The following HEG1 variants were observed in gnomAD, a reference collection of about 807,000 sequenced individuals.
HEG1 encodes protein HEG homolog 1.
HEG1 carries 56 observed loss-of-function variants against 125.6 expected under a neutral mutation model. The ratio of observed to expected loss-of-function variants is 0.45; its 90% CI spans 0.36 to 0.56. The LOEUF (loss-of-function observed/expected upper bound fraction) is 0.56, where lower values mean the gene tolerates loss of function less well. HEG1 is among the 20% of genes least tolerant of loss of function. HEG1 has a pLI of 0.00. For synonymous variants in HEG1, 644 were observed against 668.5 expected (o/e 0.96, Z 0.57); for missense variants, 1,523 against 1,670.0 (o/e 0.91, Z 1.53).
At chr3:124,973,224 A>G (rs906553176) in intron 16 of HEG1, among the ~76,000 whole-genome samples, 2 of 152,054 alleles carry the variant, frequency 1.3e-5, no homozygotes, top group African/African-American at 4.8e-5. Context: ...CTGTAGAGAC[A>G]TGATTTCACC....
At chr3:125,046,447 T>C (rs1358441445) in intron 1 of HEG1, among the ~76,000 whole-genome samples, 1 of 150,484 alleles carries the variant, frequency 6.6e-6, no homozygotes, top group Non-Finnish European at 1.5e-5. Context: ...ATATATTTTT[T>C]TAATTATACA....
At chr3:124,996,960 A>G (rs1936932557) in intron 12 of HEG1, among the ~76,000 whole-genome samples, 1 of 152,218 alleles carries the variant, frequency 6.6e-6, no homozygotes, top group African/African-American at 2.4e-5. Context: ...TTCTTGGACT[A>G]CATTCTTTGA....
chr3:125,027,383 T>C lies in HEG1; in HGVS notation c.735A>G (p.Glu245=). The change falls in exon 3 of 17, where the codon GAA becomes GAG. Residue 245 remains glutamate (E), a synonymous_variant. Coordinates refer to ENST00000311127, the MANE Select transcript of HEG1 (RefSeq NM_020733.2). ...GTERAMGLSE[E]WTVHSQEATT... ...TGGCCTCTTGGCTGTGCACAGTCCA[T>C]TCTTCTGACAGCCCCATCGCCCTCT... 1.9e-6 allele frequency: 3 copies of C among 1,614,012 alleles called. No individual in the cohort carries two copies. Among genetic ancestry groups the C allele is most frequent in the Non-Finnish European group, 2.5e-6 (3 of 1,179,888 alleles).
rs1443161776 is a variant in HEG1, at chr3:125,011,069, C to T, written c.2957-514G>A. Among the ~76,000 whole-genome samples, 7 of 152,288 alleles carry T rather than the reference C, an allele frequency of 4.6e-5. No individual in the cohort carries two copies. The East Asian group carries it at 1.3e-3, about 29-fold the overall frequency. ...TCCAAAATCTCCAAATGTAACTCAGCCTCCACATATTGTGCCATATTTAGA... is the reference window on the plus strand; with the variant it reads ...TCCAAAATCTCCAAATGTAACTCAGTCTCCACATATTGTGCCATATTTAGA... On this transcript the variant is annotated intron_variant, in intron 6 of 16. Transcript: ENST00000311127.
At position 124,973,782 on chromosome 3, in the gene HEG1, A is replaced by G. The variant is rs370700996; in HGVS notation, c.3945T>C (p.His1315=). 9 of 1,613,830 alleles carry G rather than the reference A, an allele frequency of 5.6e-6. No homozygotes were observed. In the African/African-American group the frequency reaches 1.1e-4, roughly 19 times the overall value. ...GGAGGTTTTTGGTACTTCCATTCTC[A>G]TGCATTTCAATAGCTTCTCGGCCCC... ...QEWGREAIEM[H]ENGSTKNLLQ... The change falls in exon 16 of 17, where the codon CAT becomes CAC. Residue 1315 remains histidine (H), a synonymous_variant. Coordinates refer to ENST00000311127, the MANE Select transcript of HEG1 (RefSeq NM_020733.2).
At chr3:124,986,423 TCA>T (rs1323932217) in intron 14 of HEG1, among the ~76,000 whole-genome samples, 3 of 151,892 alleles carry the variant, frequency 2.0e-5, no homozygotes, top group Non-Finnish European at 4.4e-5. Context: ...GAGTGATGAG[TCA>T]CAGACTCCCA....
intron 16 of HEG1, chr3:124,971,227 A>G: frequency 2.2e-6 from 1 of 454,986 alleles, no homozygotes; most frequent in Non-Finnish European, 4.4e-6. Context: ...GAAATAAAAT[A>G]CTAGCTACTA....
At chr3:125,001,710 A>G (rs1026397836) in intron 11 of HEG1, 142 bp downstream of exon 11, 22 of 784,844 alleles carry the variant, frequency 2.8e-5, no homozygotes, top group Non-Finnish European at 4.1e-5. Flanking sequence ...CATGTGCACA[A>G]AGGTCTTTGA....
At chr3:124,998,114 C>A (rs1283129399) in intron 11 of HEG1, among the ~76,000 whole-genome samples, 1 of 152,162 alleles carries the variant, frequency 6.6e-6, no homozygotes, top group African/African-American at 2.4e-5. Flanking sequence ...AATAAACAGG[C>A]CCTGTTCACT....
At chr3:125,028,247 T>C (rs745406054) in intron 2 of HEG1, among the ~76,000 whole-genome samples, 3 of 152,202 alleles carry the variant, frequency 2.0e-5, no homozygotes, top group African/African-American at 4.8e-5. Flanking sequence ...CTCCTCAAAT[T>C]CACTTTAGTT....
chr3:125,005,143 C>A, intron 9 of HEG1, 122 bp downstream of exon 9: 1 of 642,240 alleles, frequency 1.6e-6, no homozygotes, highest in Non-Finnish European at 2.7e-6. Flanking sequence ...AGTTTCCCTT[C>A]CAAATATAAC....
At chr3:125,045,923 C>G (rs1937655709) in intron 1 of HEG1, among the ~76,000 whole-genome samples, 1 of 152,222 alleles carries the variant, frequency 6.6e-6, no homozygotes, top group African/African-American at 2.4e-5. Context: ...GGCCAGTTCA[C>G]TATATCACAA....
At chr3:125,026,704 G>A (rs781092610) in intron 3 of HEG1, among the ~76,000 whole-genome samples, 3 of 152,156 alleles carry the variant, frequency 2.0e-5, no homozygotes, top group Admixed American at 6.5e-5. Context: ...TCTTGTTTGA[G>A]AATAGACACC....
At position 125,055,655 on chromosome 3, in the gene HEG1, C is replaced by T; in HGVS notation, c.236G>A (p.Gly79Asp). 3 of 1,180,400 alleles carry T rather than the reference C, an allele frequency of 2.5e-6. No individual in the cohort carries two copies. The highest frequency in any genetic ancestry group is 3.4e-4 in the Middle Eastern group (1 of 2,940). 73.1% of individuals were successfully genotyped at this position (1,180,400 alleles called of 1,614,324 possible). The part of the protein sequence containing the change: ...PRERRGPATP[G>D]PSYRAPEPGA... The stretch of plus-strand genomic sequence containing the variant: ...TGGCTCAGGGGCCCTGTAGCTGGGG[C>T]CGGGGGTCGCGGGCCCGCGGCGCTC... The change falls in exon 1 of 17, where the codon GGC becomes GAC. Residue 79 changes from glycine to aspartate, a missense_variant. Gly to Asp is a moderately conservative substitution (Grantham distance 94). Transcript: ENST00000311127.
At chr3:125,047,884 T>C (rs931275165) in intron 1 of HEG1, among the ~76,000 whole-genome samples, 3 of 152,236 alleles carry the variant, frequency 2.0e-5, no homozygotes, top group Non-Finnish European at 2.9e-5. Flanking sequence ...AGCTTCACCT[T>C]GGCCTCTGCC....
chr3:124,976,952 T>C (rs1936555403), intron 15 of HEG1, among the ~76,000 whole-genome samples: 1 of 152,176 alleles, frequency 6.6e-6, no homozygotes, highest in African/African-American at 2.4e-5. Context: ...AAACTACCCA[T>C]TGATATGGTT....
At chr3:125,037,253 G>A (rs930630247) in intron 1 of HEG1, among the ~76,000 whole-genome samples, 16 of 152,192 alleles carry the variant, frequency 1.1e-4, no homozygotes, top group African/African-American at 3.9e-4. Context: ...CTAAGAAAAA[G>A]AACAAAAATG....
intron 9 of HEG1, 78 bp downstream of exon 9, chr3:125,005,187 C>T: frequency 1.2e-6 from 1 of 832,948 alleles, no homozygotes; most frequent in Non-Finnish European, 2.0e-6. Flanking sequence ...CAGCTGACCG[C>T]TAGGCAGTCC....
At chr3:124,975,625 T>C (rs1008205395) in intron 15 of HEG1, among the ~76,000 whole-genome samples, 3 of 152,202 alleles carry the variant, frequency 2.0e-5, no homozygotes, top group Non-Finnish European at 4.4e-5. Flanking sequence ...TTTAGAACAG[T>C]TTCATCACCC....
Sources: gnomAD v4.1 joint callset for allele counts (sites outside exome capture counted in the v4.1 genomes callset) on GRCh38, gnomAD v4.1.1 for gene constraint, MANE v1.5 for transcripts, NCBI Gene and HGNC (gene_info 2026-07-23, HGNC 2026-07-21) for gene names.